MANBA: variants seen among roughly 807,000 people sequenced by gnomAD.
MANBA encodes the protein mannosidase beta.
In MANBA, 83 loss-of-function variants were observed where a neutral mutation model predicts 111.1. The observed-to-expected ratio is 0.75, with a 90% CI of 0.63 to 0.90. MANBA has a LOEUF of 0.90. Among genes scored for constraint, MANBA ranks in the 40% least tolerant of loss-of-function variants. The pLI is 0.00. For missense variants in MANBA, 1,036 were observed against 1,069.0 expected (o/e 0.97, Z 0.43); for synonymous variants, 370 against 378.7 (o/e 0.98, Z 0.27).
chr4:102,633,978 C>T (rs1480288235), intron 16 of MANBA, among the ~76,000 whole-genome samples: 1 of 152,054 alleles, frequency 6.6e-6, no homozygotes, highest in Non-Finnish European at 1.5e-5. Flanking sequence ...AAATCCCTTT[C>T]TATGAAGTAA....
chr4:102,650,250 G>A (rs1165182153), intron 13 of MANBA, among the ~76,000 whole-genome samples: 2 of 152,172 alleles, frequency 1.3e-5, no homozygotes, highest in Non-Finnish European at 2.9e-5. Flanking sequence ...CTTGGGAAAT[G>A]GCACTGTCTT....
chr4:102,650,417 A>G (rs1730279527), intron 13 of MANBA, 120 bp downstream of exon 13: 3 of 1,021,586 alleles, frequency 2.9e-6, no homozygotes, highest in Non-Finnish European at 4.5e-6. Context: ...AAGAAAATAA[A>G]TTCCTTAACC....
intron 1 of MANBA, among the ~76,000 whole-genome samples, chr4:102,731,433 AG>A: frequency 6.6e-6 from 1 of 152,190 alleles, no homozygotes; most frequent in East Asian, 1.9e-4. Flanking sequence ...TTTTTCACTT[AG>A]CTAAGTGAGC....
Position 102,664,400 on chromosome 4 carries a change from G to C in MANBA, c.1485+285C>G, listed in dbSNP as rs188526972. Among the ~76,000 whole-genome samples the C allele has an allele frequency of 9.3e-5, 14 of 151,338 alleles. No individual in the cohort carries two copies. In the East Asian group the frequency reaches 2.7e-3, roughly 29 times the overall value. ...GTCTCGCCCTGTCGCCCAGGCTGGA[G>C]TGCAGTGGCGCGATCTCGGCTCACT... is the stretch of plus-strand genomic sequence containing the variant. On this transcript the variant is annotated intron_variant, in intron 11 of 16. Coordinates refer to ENST00000647097, the MANE Select transcript of MANBA (RefSeq NM_005908.4).
intron 1 of MANBA, chr4:102,728,177 T>C: frequency 1.9e-6 from 1 of 539,196 alleles, no homozygotes; most frequent in Non-Finnish European, 3.8e-6. Context: ...ATGCCCCTGC[T>C]CTATGTGAGG....
intron 1 of MANBA, among the ~76,000 whole-genome samples, chr4:102,742,915 G>A (rs984022715): frequency 4.3e-5 from 2 of 46,464 alleles, no homozygotes; most frequent in African/African-American, 9.4e-5. Context: ...TGGCAAATTG[G>A]ACACTCAGCA....
At chr4:102,691,748 T>A (rs1295492647) in intron 5 of MANBA, among the ~76,000 whole-genome samples, 1 of 152,068 alleles carries the variant, frequency 6.6e-6, no homozygotes, top group Non-Finnish European at 1.5e-5. Flanking sequence ...CCTCAAGCAA[T>A]CCTCCAGCCT....
In MANBA at chr4:102,709,436, A is replaced by AAAGGAAGG. The variant is rs70937565; in HGVS notation, c.673+4994_673+5001dup. ...GAAAGAAAGAGAAAGAGAGAGAGAG[A>AAAGGAAGG]AAGGAAGGAAGGAAGGAAATAGTGA... is the stretch of plus-strand genomic sequence containing the variant. On this transcript the variant is annotated intron_variant, in intron 5 of 16. Coordinates refer to ENST00000647097, the MANE Select transcript of MANBA (RefSeq NM_005908.4). Among the ~76,000 whole-genome samples the AAAGGAAGG allele has an allele frequency of 2.0e-3, 296 of 147,810 alleles. 5 individuals are homozygous for AAAGGAAGG. The highest frequency in any genetic ancestry group is 7.1e-3 in the African/African-American group (281 of 39,816).
intron 1 of MANBA, chr4:102,734,726 C>A: frequency 1.4e-6 from 1 of 693,058 alleles, no homozygotes; most frequent in Non-Finnish European, 2.4e-6. Context: ...TCTGAGGAGG[C>A]TGTGACACCC....
intron 1 of MANBA, chr4:102,729,821 C>G: frequency 1.6e-6 from 2 of 1,269,252 alleles, no homozygotes; most frequent in East Asian, 2.3e-5. Context: ...TCTCCAGCAT[C>G]TTGTTCTACT....
chr4:102,689,701 A>T lies in MANBA; in HGVS notation c.850-17T>A. 1 of 1,429,608 alleles carries T rather than the reference A, an allele frequency of 7.0e-7. No homozygotes were observed. The highest frequency in any genetic ancestry group is 9.9e-7 in the Non-Finnish European group (1 of 1,012,486). The allele number at this position is 1,429,608 out of a possible 1,614,324, so 88.6% of individuals were successfully genotyped here. A position where few individuals can be genotyped will look rare whatever the true frequency, so the allele number is the denominator to read the frequency against. On this transcript the variant is annotated splice_polypyrimidine_tract_variant and intron_variant, in intron 6 of 16. Coordinates refer to ENST00000647097, the MANE Select transcript of MANBA (RefSeq NM_005908.4). Reference sequence around the variant, plus strand: ...AGTAATATTCTTTTAAGAAAATTTAAAAGTCACTCTAATATGTCATATTTT... The same window carrying T: ...AGTAATATTCTTTTAAGAAAATTTATAAGTCACTCTAATATGTCATATTTT...
At chr4:102,694,335 C>T (rs1050902425) in intron 5 of MANBA, among the ~76,000 whole-genome samples, 2 of 152,166 alleles carry the variant, frequency 1.3e-5, no homozygotes, top group African/African-American at 4.8e-5. Flanking sequence ...CCCTTCCTTC[C>T]AGTAGCACAT....
chr4:102,752,312 G>A (rs970420294), intron 1 of MANBA: 34 of 1,370,866 alleles, frequency 2.5e-5, no homozygotes, highest in South Asian at 1.7e-4. Context: ...CTTTGTAAAC[G>A]TTTAGCATCT....
At chr4:102,644,028 A>G (rs1166077612) in intron 13 of MANBA, among the ~76,000 whole-genome samples, 1 of 152,170 alleles carries the variant, frequency 6.6e-6, no homozygotes. Context: ...TTATAGTTTT[A>G]GCTATTACAT....
At chr4:102,642,951 A>C (rs1174467325) in intron 13 of MANBA, among the ~76,000 whole-genome samples, 1 of 152,214 alleles carries the variant, frequency 6.6e-6, no homozygotes. Flanking sequence ...AGCTGTTTTA[A>C]AACCAAGATA....
intron 5 of MANBA, among the ~76,000 whole-genome samples, chr4:102,698,043 T>C (rs1425757740): frequency 2.0e-5 from 3 of 151,414 alleles, no homozygotes; most frequent in Non-Finnish European, 3.0e-5. Context: ...TTTTAATGAT[T>C]GCCATTCTAA....
intron 2 of MANBA, among the ~76,000 whole-genome samples, chr4:102,724,892 A>G (rs1214917247): frequency 6.6e-6 from 1 of 152,250 alleles, no homozygotes; most frequent in Non-Finnish European, 1.5e-5. Flanking sequence ...CTATTCAACA[A>G]TAAAAAGGAA....
chr4:102,740,614 C>T (rs1251908757), intron 1 of MANBA, among the ~76,000 whole-genome samples: 2 of 151,950 alleles, frequency 1.3e-5, no homozygotes, highest in African/African-American at 4.8e-5. Context: ...ACCAGTGGAA[C>T]AGAATAGAGA....
At position 102,722,982 on chromosome 4, in the gene MANBA, T is replaced by G; in HGVS notation, c.438A>C (p.Ser146=). 1 of 1,614,128 alleles carries G rather than the reference T, an allele frequency of 6.2e-7. No homozygotes were observed. Among genetic ancestry groups the G allele is most frequent in the Non-Finnish European group, 8.5e-7 (1 of 1,179,978 alleles). ...DVNSIELRFQ[S]AVLYAAQQSK... is the part of the protein sequence containing the mutation. Reference sequence around the variant, plus strand: ...TCTGCTGTGCTGCATACAACACCGCTGACTGGAAACGCAGCTCAATGGAGT... The same window carrying G: ...TCTGCTGTGCTGCATACAACACCGCGGACTGGAAACGCAGCTCAATGGAGT... The change falls in exon 4 of 17, where the codon TCA becomes TCC. Residue 146 remains serine, a synonymous_variant. Coordinates refer to ENST00000647097, the MANE Select transcript of MANBA (RefSeq NM_005908.4).
Sources: gnomAD v4.1 joint callset for allele counts (sites outside exome capture counted in the v4.1 genomes callset) on GRCh38, gnomAD v4.1.1 for gene constraint, MANE v1.5 for transcripts, NCBI Gene and HGNC (gene_info 2026-07-23, HGNC 2026-07-21) for gene names.